Variants in RAPH1 observed in about 807,000 individuals in gnomAD.
RAPH1 encodes Ras association (RalGDS/AF-6) and pleckstrin homology domains 1.
In RAPH1, 18 loss-of-function variants were observed where a neutral mutation model predicts 88.1. That is an observed-to-expected ratio of 0.20 (90% CI 0.14 to 0.30). The LOEUF (loss-of-function observed/expected upper bound fraction) is 0.30. Among genes scored for constraint, RAPH1 ranks in the 10% least tolerant of loss-of-function variants. The pLI is 1.00. For synonymous variants in RAPH1, 587 were observed against 559.0 expected, an observed-to-expected ratio of 1.05 and a Z score of -0.71; for missense variants, 1,448 against 1,543.2, an observed-to-expected ratio of 0.94 and a Z score of 1.03.
rs182497451 is a variant in RAPH1, at chr2:203,533,658, G to T, written c.-1+1453C>A. On this transcript the variant is annotated intron_variant, in intron 1 of 13. Coordinates refer to ENST00000319170, the MANE Select transcript of RAPH1 (RefSeq NM_213589.3). ...AATTTAGAATTAATCTCTCTTCTTC[G>T]CTCTCCTATTCTATACCTCAACATT... 7.8e-4 allele frequency among the ~76,000 whole-genome samples: 118 copies of T among 151,780 alleles called. 1 individual carries two copies. Among genetic ancestry groups the T allele is most frequent in the Middle Eastern group, 3.4e-3 (1 of 294 alleles).
At chr2:203,488,403 G>C (rs2251433) in intron 4 of RAPH1, among the ~76,000 whole-genome samples, 1 of 150,664 alleles carries the variant, frequency 6.6e-6, no homozygotes, top group Non-Finnish European at 1.5e-5. Flanking sequence ...AGCCTGGCCA[G>C]CATGGTGAAA....
chr2:203,441,669 A>T, intron 13 of RAPH1: 1 of 1,308,040 alleles, frequency 7.6e-7, no homozygotes, highest in Non-Finnish European at 9.7e-7. Context: ...TCTAGGAAAA[A>T]TGTCCGGCTG....
chr2:203,481,917 T>G (rs1425102789), intron 4 of RAPH1, among the ~76,000 whole-genome samples: 1 of 151,322 alleles, frequency 6.6e-6, no homozygotes, highest in Non-Finnish European at 1.5e-5. Context: ...AATATATTTC[T>G]ATTATTGTCT....
intron 4 of RAPH1, among the ~76,000 whole-genome samples, chr2:203,474,602 T>G (rs2098535767): frequency 6.6e-6 from 1 of 152,184 alleles, no homozygotes; most frequent in Non-Finnish European, 1.5e-5. Flanking sequence ...GGAAAATAAT[T>G]TCACCAATGG....
intron 10 of RAPH1, among the ~76,000 whole-genome samples, chr2:203,449,378 G>A (rs2098512812): frequency 6.6e-6 from 1 of 152,128 alleles, no homozygotes; most frequent in Admixed American, 6.5e-5. Context: ...AGCCCTGTAG[G>A]TCCCACTCTC....
rs1329750981 is a variant in RAPH1 at position 203,492,861 on chromosome 2, AAAAGCTATG to A, written c.121-1551_121-1543del. Among the ~76,000 whole-genome samples the A allele has an allele frequency of 2.0e-5, 3 of 152,192 alleles. No individual in the cohort carries two copies. In the East Asian group the frequency reaches 5.8e-4, roughly 29 times the overall value. On this transcript the variant is annotated intron_variant, in intron 2 of 13. Coordinates refer to ENST00000319170, the MANE Select transcript of RAPH1 (RefSeq NM_213589.3). The stretch of plus-strand genomic sequence containing the variant: ...TTAAAGGGGTTGCTGAGAATTTTAT[AAAAGCTATG>A]AACCCTCTTCCAGAAAAATGCACAT...
rs777040980 is a variant in RAPH1 at position 203,439,534 on chromosome 2, C to G, written c.3656G>C (p.Gly1219Ala). The part of the protein sequence containing the change: ...LLSDQQKAGY[G>A]GSHISGYATL... ...TGCATAGCCTGATATATGACTGCCT[C>G]CGTAACCAGCCTTCTGTTGATCAGA... The change falls in exon 14 of 14, where the codon GGA becomes GCA. Residue 1219 changes from glycine (G) to alanine (A), a missense_variant. Coordinates refer to ENST00000319170, the MANE Select transcript of RAPH1 (RefSeq NM_213589.3). 1 of 1,614,112 alleles carries G rather than the reference C, an allele frequency of 6.2e-7. No individual in the cohort carries two copies. Among genetic ancestry groups the G allele is most frequent in the Admixed American group, 1.7e-5 (1 of 60,030 alleles).
At chr2:203,461,825 C>A (rs1210864404) in intron 5 of RAPH1, 23 bp downstream of exon 5, 1 of 1,565,756 alleles carries the variant, frequency 6.4e-7, no homozygotes, top group Admixed American at 1.9e-5. Flanking sequence ...AAATCCCAAA[C>A]CAGGAAGAGG....
chr2:203,488,588 TAAAAAAAA>T (rs750783858), intron 4 of RAPH1, among the ~76,000 whole-genome samples: 53 of 36,662 alleles, frequency 1.4e-3, no homozygotes, highest in African/African-American at 4.8e-3. Flanking sequence ...CTCCGTCTAT[TAAAAAAAA>T]AAAAAAAAAA....
At position 203,434,775 on chromosome 2, in the gene RAPH1, T is replaced by A. The variant is rs1280582520; in HGVS notation, c.*4662A>T. 6.6e-6 allele frequency: 1 copy of A among 152,380 alleles called. No individual in the cohort carries two copies. Among genetic ancestry groups the A allele is most frequent in the African/African-American group, 2.4e-5 (1 of 41,428 alleles). 9.4% of individuals were successfully genotyped at this position (152,380 alleles called of 1,614,324 possible). On this transcript the variant is annotated 3_prime_UTR_variant, in exon 14 of 14. Transcript: ENST00000319170. ...AGTAGCCATCCATGATAAACATAAT[T>A]AATTCTCAACTTAACCATCTATAAA...
At chr2:203,485,993 C>T (rs983110793) in intron 4 of RAPH1, among the ~76,000 whole-genome samples, 1 of 150,998 alleles carries the variant, frequency 6.6e-6, no homozygotes, top group African/African-American at 2.4e-5. Context: ...CCCAAATGGG[C>T]TACTAAAACA....
intron 3 of RAPH1, 70 bp from the exon 4 acceptor site, chr2:203,490,159 T>C: frequency 7.2e-7 from 1 of 1,388,916 alleles, no homozygotes; most frequent in Admixed American, 2.3e-5. Flanking sequence ...TAAATGCAGG[T>C]GATGAAGCAA....
chr2:203,471,044 CCTTAA>C (rs1204425409), intron 4 of RAPH1, among the ~76,000 whole-genome samples: 1 of 152,240 alleles, frequency 6.6e-6, no homozygotes, highest in African/African-American at 2.4e-5. Flanking sequence ...ATCATTCTCC[CCTTAA>C]CTTTTCAGTA....
chr2:203,506,744 A>C (rs1392119143), intron 1 of RAPH1, among the ~76,000 whole-genome samples: 1 of 108,508 alleles, frequency 9.2e-6, no homozygotes, highest in African/African-American at 6.3e-5. Context: ...ATATATATCT[A>C]TATATATATA....
At chr2:203,470,785 GATCAA>G (rs1248202699) in intron 4 of RAPH1, among the ~76,000 whole-genome samples, 2 of 152,166 alleles carry the variant, frequency 1.3e-5, no homozygotes, top group Non-Finnish European at 2.9e-5. Context: ...AAGTATTTCT[GATCAA>G]TTCAATGATA....
At chr2:203,487,883 C>G (rs1357447425) in intron 4 of RAPH1, among the ~76,000 whole-genome samples, 1 of 151,926 alleles carries the variant, frequency 6.6e-6, no homozygotes, top group Non-Finnish European at 1.5e-5. Flanking sequence ...GGGTGGGTAC[C>G]AAGAGTTACC....
chr2:203,464,716 A>T (rs2098527080), intron 4 of RAPH1, among the ~76,000 whole-genome samples: 2 of 152,244 alleles, frequency 1.3e-5, no homozygotes, highest in South Asian at 4.1e-4. Context: ...ACAAGGGATA[A>T]ACTGGGAGAA....
chr2:203,494,735 G>A (rs534196130), intron 2 of RAPH1, among the ~76,000 whole-genome samples: 116 of 151,200 alleles, frequency 7.7e-4, no homozygotes, highest in African/African-American at 2.6e-3. Context: ...CGTGAACCCC[G>A]GAGACGGAGC....
At chr2:203,496,549 A>C (rs1688525005) in intron 1 of RAPH1, among the ~76,000 whole-genome samples, 1 of 152,222 alleles carries the variant, frequency 6.6e-6, no homozygotes, top group Non-Finnish European at 1.5e-5. Context: ...ACCAGCCAGC[A>C]TATTCCAAAA....
Sources: gnomAD v4.1 joint callset for allele counts (sites outside exome capture counted in the v4.1 genomes callset) on GRCh38, gnomAD v4.1.1 for gene constraint, MANE v1.5 for transcripts, NCBI Gene and HGNC (gene_info 2026-07-23, HGNC 2026-07-21) for gene names.